KDM7A: variants seen among roughly 807,000 people sequenced by gnomAD.
KDM7A encodes lysine-specific demethylase 7A.
Under a neutral mutation model 114.8 loss-of-function variants are expected in KDM7A, and 28 were observed. That is an observed-to-expected ratio of 0.24 (90% confidence interval 0.18 to 0.33). The LOEUF is 0.33. Ranked by LOEUF, KDM7A falls within the 10% of genes least tolerant of loss-of-function variation. The pLI is 1.00. For missense variants in KDM7A, 942 were observed against 1,142.5 expected (o/e 0.82, Z 2.53); for synonymous variants, 423 against 397.8 (o/e 1.06, Z -0.75).
Position 140,146,137 on chromosome 7 carries a change from C to A in KDM7A, c.195-6947G>T, listed in dbSNP as rs370931416. On this transcript the variant is annotated intron_variant, in intron 1 of 19. Coordinates refer to ENST00000397560, the MANE Select transcript of KDM7A (RefSeq NM_030647.2). ...ATTTATTTTGAAATTCAACACAACA[C>A]AACAGTAAATTTGATATATCAATAA... is the stretch of plus-strand genomic sequence containing the variant. 4.9e-4 allele frequency among the ~76,000 whole-genome samples: 75 copies of A among 152,220 alleles called. 1 individual carries two copies. Among genetic ancestry groups the A allele is most frequent in the African/African-American group, 1.8e-3 (74 of 41,520 alleles).
chr7:140,148,366 T>TTA, intron 1 of KDM7A, among the ~76,000 whole-genome samples: 1 of 152,028 alleles, frequency 6.6e-6, no homozygotes, highest in South Asian at 2.1e-4. Context: ...TTCGGGTAAC[T>TTA]TACTTTACCT....
rs1161928396 is a variant in KDM7A at position 140,126,811 on chromosome 7, C to A, written c.714G>T (p.Leu238Phe). 1 of 1,611,480 alleles carries A rather than the reference C, an allele frequency of 6.2e-7. No homozygotes were observed. The highest frequency in any genetic ancestry group is 1.3e-5 in the African/African-American group (1 of 74,772). Residue 238 changes from leucine to phenylalanine, a missense_variant, in exon 6 of 20, where the codon TTG becomes TTT. Coordinates refer to ENST00000397560, the MANE Select transcript of KDM7A (RefSeq NM_030647.2). ...TTTTGGCTATATCAGGGACCTCCAC[C>A]AATTCAGACATCCTTTCAAAAAACA... ...LEFSDTKMSE[L>F]VEVPDIAKKL...
rs1794701859 is a variant in KDM7A, at chr7:140,176,040, C to A, written c.194+704G>T. The stretch of plus-strand genomic sequence containing the variant: ...CGACCCGGGTCAACCTGCCGCCCGC[C>A]GGGGGCCCGGCCCCAACTTCCCCGG... On this transcript the variant is annotated intron_variant, in intron 1 of 19. Transcript: ENST00000397560. This position sits in a 1 kb window ranked among gnomAD's most constrained non-coding sequence, Gnocchi z 4.4. Among the ~76,000 whole-genome samples the A allele has an allele frequency of 6.6e-6, 1 of 152,046 alleles. No homozygotes were observed. Among genetic ancestry groups the A allele is most frequent in the Admixed American group, 6.5e-5 (1 of 15,288 alleles).
chr7:140,100,681 C>CACAT lies in KDM7A; in HGVS notation c.1639-659_1639-658insATGT, dbSNP rs1554395402. 1.6e-3 allele frequency among the ~76,000 whole-genome samples: 73 copies of CACAT among 44,296 alleles called. 1 individual carries two copies. Among genetic ancestry groups the CACAT allele is most frequent in the South Asian group, 3.1e-3 (5 of 1,610 alleles). The allele number at this position is 44,296 out of a possible 152,430, so 29.1% of individuals were successfully genotyped here. A position where few individuals can be genotyped will look rare whatever the true frequency, so the allele number is the denominator to read the frequency against. ...AAAGTTATATATATATATATATATA[C>CACAT]ATATATACATATATATATATATATA... On this transcript the variant is annotated intron_variant, in intron 12 of 19. Transcript: ENST00000397560.
At chr7:140,161,956 A>G (rs1794524325) in intron 1 of KDM7A, among the ~76,000 whole-genome samples, 1 of 152,210 alleles carries the variant, frequency 6.6e-6, no homozygotes, top group Admixed American at 6.5e-5. Context: ...TTTGCACATT[A>G]AAAATACCAA....
chr7:140,153,835 T>A (rs1312062175), intron 1 of KDM7A, among the ~76,000 whole-genome samples: 3 of 152,242 alleles, frequency 2.0e-5, no homozygotes, highest in Admixed American at 6.5e-5. Flanking sequence ...TCCAGAGTTA[T>A]CATTTTTTGT....
intron 3 of KDM7A, among the ~76,000 whole-genome samples, chr7:140,130,236 T>G (rs2116807475): frequency 6.6e-6 from 1 of 152,276 alleles, no homozygotes; most frequent in Admixed American, 6.5e-5. Flanking sequence ...AATGAACGGT[T>G]AGATTTAAGT....
At chr7:140,147,373 T>A (rs1794350167) in intron 1 of KDM7A, among the ~76,000 whole-genome samples, 1 of 152,216 alleles carries the variant, frequency 6.6e-6, no homozygotes, top group Non-Finnish European at 1.5e-5. Context: ...TTGAATTTTT[T>A]AAAGAATTTT....
chr7:140,114,288 CTGCCG>C (rs1218233598), intron 9 of KDM7A, among the ~76,000 whole-genome samples: 1 of 152,174 alleles, frequency 6.6e-6, no homozygotes, highest in Non-Finnish European at 1.5e-5. Context: ...CTGCCTCAGC[CTGCCG>C]AGTGCCTGGG....
intron 3 of KDM7A, 26 bp from the exon 4 acceptor site, chr7:140,129,679 T>C (rs1247506633): frequency 1.4e-5 from 21 of 1,533,200 alleles, no homozygotes; most frequent in Non-Finnish European, 1.7e-5. Context: ...AGAATAAAAA[T>C]GTCATTTTTA....
chr7:140,156,158 A>G (rs1056302153), intron 1 of KDM7A, among the ~76,000 whole-genome samples: 8 of 152,224 alleles, frequency 5.3e-5, no homozygotes, highest in African/African-American at 1.2e-4. Flanking sequence ...AATTAAAATC[A>G]TATCACAAAT....
rs779831461 is a variant in KDM7A at position 140,120,536 on chromosome 7, T to G, written c.1052-7A>C. ...AGCACAGCATGGATCCACCCTAAAA[T>G]GGTTGAAAATATATAAACCAGTCAT... On this transcript the variant is annotated splice_polypyrimidine_tract_variant and splice_region_variant and intron_variant, in intron 7 of 19. Coordinates refer to ENST00000397560, the MANE Select transcript of KDM7A (RefSeq NM_030647.2). 1 of 1,581,024 alleles carries G rather than the reference T, an allele frequency of 6.3e-7. No individual in the cohort carries two copies. Among genetic ancestry groups the G allele is most frequent in the South Asian group, 1.1e-5 (1 of 90,114 alleles).
At position 140,092,089 on chromosome 7, in the gene KDM7A, G is replaced by T. The variant is rs764707583; in HGVS notation, c.2458-12C>A. ...CTTCTACTTAGATCCTGAAGGAGGA[G>T]GAAGGACATGAGGCTGAATTTTTAG... On this transcript the variant is annotated splice_polypyrimidine_tract_variant and intron_variant, in intron 18 of 19. Transcript: ENST00000397560. The T allele has an allele frequency of 6.2e-7, 1 of 1,613,462 alleles. No individual in the cohort carries two copies. Among genetic ancestry groups the T allele is most frequent in the Non-Finnish European group, 8.5e-7 (1 of 1,179,576 alleles).
chr7:140,090,902 C>T lies in KDM7A; in HGVS notation c.*192G>A, dbSNP rs575936072. On this transcript the variant is annotated 3_prime_UTR_variant, in exon 20 of 20. Transcript: ENST00000397560. The stretch of plus-strand genomic sequence containing the variant: ...TTCTACCCTCCTTCTTCCTCTCCCC[C>T]ACCAGGTCCAAAATGGTTATTGCTG... 1.8e-6 allele frequency: 1 copy of T among 561,522 alleles called. No homozygotes were observed. Among genetic ancestry groups the T allele is most frequent in the Non-Finnish European group, 3.2e-6 (1 of 312,734 alleles). 34.8% of individuals were successfully genotyped at this position (561,522 alleles called of 1,614,324 possible). A position where few individuals can be genotyped will look rare whatever the true frequency, so the allele number is the denominator to read the frequency against.
chr7:140,103,464 C>G (rs111336577), intron 11 of KDM7A, among the ~76,000 whole-genome samples: 104 of 151,868 alleles, frequency 6.8e-4, no homozygotes, highest in Non-Finnish European at 9.9e-4. Flanking sequence ...CCTCCCCCCC[C>G]CTCCAACCCA....
chr7:140,091,283 A>T, intron 19 of KDM7A, 95 bp from the exon 20 acceptor site: 1 of 858,140 alleles, frequency 1.2e-6, no homozygotes, highest in South Asian at 1.4e-5. Context: ...TATGGGAAGT[A>T]AGCCCTTAGG....
chr7:140,100,749 TA>T (rs1166837852), intron 12 of KDM7A, among the ~76,000 whole-genome samples: 62 of 57,704 alleles, frequency 1.1e-3, no homozygotes, highest in Admixed American at 2.1e-3. Context: ...TATACATATA[TA>T]TTTTTTTGTT....
intron 1 of KDM7A, 143 bp from the exon 2 acceptor site, chr7:140,139,333 TA>T (rs1273426080): frequency 2.7e-5 from 16 of 584,850 alleles, no homozygotes; most frequent in Non-Finnish European, 4.9e-5. Context: ...CATATAAAGA[TA>T]AATTTTATTC....
At chr7:140,114,610 C>T (rs1335662204) in intron 9 of KDM7A, among the ~76,000 whole-genome samples, 3 of 152,148 alleles carry the variant, frequency 2.0e-5, no homozygotes, top group Admixed American at 2.0e-4. Context: ...AAGTGAGGAG[C>T]GTCTCTGACT....
Sources: allele counts gnomAD v4.1 joint callset (sites outside exome capture counted in the v4.1 genomes callset), GRCh38; gene constraint gnomAD v4.1.1; non-coding constraint Gnocchi (gnomAD v3.1); transcripts MANE v1.5; gene names NCBI Gene and HGNC (gene_info 2026-07-23, HGNC 2026-07-21).